The following EBF4 variants were observed in gnomAD, a reference collection of about 807,000 sequenced individuals.
EBF4 encodes the protein EBF transcription factor 4, also known as transcription factor COE4.
Under a neutral mutation model 67.1 loss-of-function variants are expected in EBF4, and 34 were observed. The ratio of observed to expected loss-of-function variants is 0.51; its 90% CI spans 0.39 to 0.67. The LOEUF (loss-of-function observed/expected upper bound fraction) is 0.67, where lower values mean the gene tolerates loss of function less well. Among genes scored for constraint, EBF4 ranks in the 30% least tolerant of loss-of-function variants. The pLI is 0.00. For synonymous variants in EBF4, 387 were observed against 377.7 expected, an observed-to-expected ratio of 1.02 and a Z score of -0.29; for missense variants, 837 against 873.3, an observed-to-expected ratio of 0.96 and a Z score of 0.52.
intron 1 of EBF4, among the ~76,000 whole-genome samples, chr20:2,704,462 T>C (rs926154921): frequency 6.6e-6 from 1 of 152,184 alleles, no homozygotes; most frequent in Non-Finnish European, 1.5e-5. Context: ...TGGCACGAAC[T>C]TCCAGTACAA....
At position 2,748,919 on chromosome 20, in the gene EBF4, C is replaced by CG. The variant is rs1424869157; in HGVS notation, c.639+291dup. ...CCCAGGCAATTTGCATAGCGTGAAG[C>CG]GGAGAGCAGCTGCCCTTAGCACATC... On this transcript the variant is annotated intron_variant, in intron 7 of 16. Transcript: ENST00000609451. Among the ~76,000 whole-genome samples the CG allele has an allele frequency of 2.0e-5, 3 of 152,200 alleles. No individual in the cohort carries two copies. In the East Asian group the frequency reaches 5.8e-4, roughly 29 times the overall value.
chr20:2,732,174 C>T (rs1028823845), intron 6 of EBF4, among the ~76,000 whole-genome samples: 2 of 151,862 alleles, frequency 1.3e-5, no homozygotes, highest in East Asian at 1.9e-4. Context: ...GCAGTCTCAA[C>T]TCACTACAGC....
At position 2,696,756 on chromosome 20, in the gene EBF4, C is replaced by T. The variant is rs2087294105; in HGVS notation, c.137+2974C>T. Among the ~76,000 whole-genome samples, 1 of 152,204 alleles carries T rather than the reference C, an allele frequency of 6.6e-6. No individual in the cohort carries two copies. The highest frequency in any genetic ancestry group is 1.5e-5 in the Non-Finnish European group (1 of 68,034). The stretch of plus-strand genomic sequence containing the variant: ...GCCTCAGGACTCCCTCTTACACCCA[C>T]CGACCCCAGCAACTGCTCTTTCTGT... On this transcript the variant is annotated intron_variant, in intron 1 of 16. Coordinates refer to ENST00000609451, the Ensembl canonical transcript of EBF4. This position sits in a 1 kb window ranked among gnomAD's most constrained non-coding sequence, Gnocchi z 4.7.
At chr20:2,753,421 C>T (rs574236307) in intron 14 of EBF4, among the ~76,000 whole-genome samples, 1 of 152,356 alleles carries the variant, frequency 6.6e-6, no homozygotes, top group South Asian at 2.1e-4. Context: ...TCATCAAGTT[C>T]CAGATCAGCA....
intron 6 of EBF4, among the ~76,000 whole-genome samples, chr20:2,729,923 A>G (rs191462384): frequency 1.3e-5 from 2 of 152,100 alleles, no homozygotes; most frequent in African/African-American, 2.4e-5. Flanking sequence ...CTGGAGTCCA[A>G]CCTCCAGCCT....
chr20:2,740,915 T>C (rs1216175923), intron 6 of EBF4, among the ~76,000 whole-genome samples: 1 of 152,058 alleles, frequency 6.6e-6, no homozygotes, highest in African/African-American at 2.4e-5. Flanking sequence ...TCAGATTACC[T>C]TGGGGCAGCT....
At chr20:2,721,081 G>T (rs1318498988) in intron 6 of EBF4, among the ~76,000 whole-genome samples, 2 of 152,002 alleles carry the variant, frequency 1.3e-5, no homozygotes, top group Non-Finnish European at 2.9e-5. Flanking sequence ...TGTGCTTAGG[G>T]TACATTGATC....
intron 6 of EBF4, among the ~76,000 whole-genome samples, chr20:2,719,443 T>G (rs923273042): frequency 6.6e-6 from 1 of 152,014 alleles, no homozygotes; most frequent in Non-Finnish European, 1.5e-5. Flanking sequence ...CCCAGCTAAT[T>G]TTTGTATTTT....
chr20:2,755,281 A>G lies in EBF4; in HGVS notation c.1541-346A>G. 1 of 294,690 alleles carries G rather than the reference A, an allele frequency of 3.4e-6. No homozygotes were observed. The highest frequency in any genetic ancestry group is 6.4e-6 in the Non-Finnish European group (1 of 157,110). The allele number at this position is 294,690 out of a possible 1,614,324, so 18.3% of individuals were successfully genotyped here. A position where few individuals can be genotyped will look rare whatever the true frequency, so the allele number is the denominator to read the frequency against. ...GCTCATAAATGTTTCCTAGCATCTC[A>G]GAATCCCAGGGGTTTTCAGCAGAAA... On this transcript the variant is annotated intron_variant, in intron 14 of 16. Coordinates refer to ENST00000609451, the Ensembl canonical transcript of EBF4. The surrounding 1 kb of genome is among the most constrained non-coding windows in gnomAD (Gnocchi z 4.7).
At chr20:2,723,107 A>G (rs1275651397) in intron 6 of EBF4, among the ~76,000 whole-genome samples, 2 of 152,150 alleles carry the variant, frequency 1.3e-5, no homozygotes, top group African/African-American at 4.8e-5. Flanking sequence ...TTACTATTCG[A>G]TAAATTGTGG....
At chr20:2,711,582 T>C (rs1315951098) in intron 6 of EBF4, among the ~76,000 whole-genome samples, 1 of 152,250 alleles carries the variant, frequency 6.6e-6, no homozygotes, top group Non-Finnish European at 1.5e-5. Flanking sequence ...ATTTTGAGAA[T>C]GCCTATTCCT....
chr20:2,693,274 C>T (rs1301845440), upstream of EBF4: 1 of 163,260 alleles, frequency 6.1e-6, no homozygotes, highest in African/African-American at 2.4e-5. The surrounding 1 kb of genome is among the most constrained non-coding windows in gnomAD (Gnocchi z 4.6). Context: ...GCGCTCGGGC[C>T]CCCCCTCCGA....
chr20:2,706,066 C>T (rs1454014282), intron 3 of EBF4, 29 bp downstream of exon 3: 7 of 1,550,824 alleles, frequency 4.5e-6, no homozygotes, highest in Non-Finnish European at 6.1e-6. Flanking sequence ...CCTACCCAGC[C>T]CTGCCCCTGA....
chr20:2,720,844 G>A (rs961389152), intron 6 of EBF4, among the ~76,000 whole-genome samples: 39 of 152,208 alleles, frequency 2.6e-4, no homozygotes, highest in African/African-American at 8.7e-4. Flanking sequence ...TATTTTGCTG[G>A]GTATAGAATT....
chr20:2,693,939 TG>T lies in EBF4; in HGVS notation c.137+158del, dbSNP rs921116812. Among the ~76,000 whole-genome samples, 1 of 152,126 alleles carries T rather than the reference TG, an allele frequency of 6.6e-6. No individual in the cohort carries two copies. The highest frequency in any genetic ancestry group is 2.4e-5 in the African/African-American group (1 of 41,440). ...CCCACCCCGTCCGGAGTGCCTGTGC[TG>T]CCTCCTGAGGCTGTGGGGCGGGCTG... On this transcript the variant is annotated intron_variant, in intron 1 of 16. Transcript: ENST00000609451. This position sits in a 1 kb window ranked among gnomAD's most constrained non-coding sequence, Gnocchi z 4.6.
rs1476324103 is a variant in EBF4 at position 2,746,189 on chromosome 20, T to A, written c.558-2360T>A. ...GGGGTGTCATAAGGGGTGTAGGGAGTGATTAGTAACTAATAAGAGAGAAAT... is the reference window on the plus strand; with the variant it reads ...GGGGTGTCATAAGGGGTGTAGGGAGAGATTAGTAACTAATAAGAGAGAAAT... On this transcript the variant is annotated intron_variant, in intron 6 of 16. Coordinates refer to ENST00000609451, the Ensembl canonical transcript of EBF4. Among the ~76,000 whole-genome samples, 6 of 151,368 alleles carry A rather than the reference T, an allele frequency of 4.0e-5. No individual in the cohort carries two copies. In the East Asian group the frequency reaches 9.7e-4, roughly 25 times the overall value.
At chr20:2,752,388 C>T (rs1013110749) in exon 14 of EBF4, 2 of 1,254,360 alleles carry the variant, frequency 1.6e-6, no homozygotes, top group African/African-American at 3.1e-5. Flanking sequence ...GCGCGTCCCC[C>T]CGCGGGTTCG....
intron 6 of EBF4, among the ~76,000 whole-genome samples, chr20:2,721,326 TA>T (rs1189750456): frequency 6.6e-6 from 1 of 150,568 alleles, no homozygotes; most frequent in Non-Finnish European, 1.5e-5. Context: ...TCAAGTTCAC[TA>T]ATCTTTTTTT....
intron 6 of EBF4, among the ~76,000 whole-genome samples, chr20:2,721,460 G>T (rs1456274957): frequency 6.6e-6 from 1 of 151,450 alleles, no homozygotes; most frequent in East Asian, 1.9e-4. Flanking sequence ...TTGTCTCTAA[G>T]TTTCTTTTTT....
Sources: gnomAD v4.1 joint callset for allele counts (sites outside exome capture counted in the v4.1 genomes callset) on GRCh38, gnomAD v4.1.1 for gene constraint, Gnocchi (gnomAD v3.1) non-coding constraint, MANE v1.5 for transcripts, NCBI Gene and HGNC (gene_info 2026-07-23, HGNC 2026-07-21) for gene names.